The following TERT variants were observed in gnomAD, a reference collection of about 807,000 sequenced individuals.
TERT encodes telomerase catalytic subunit.
In TERT, 42 loss-of-function variants were observed where a neutral mutation model predicts 104.0. The ratio of observed to expected loss-of-function variants is 0.40; its 90% CI spans 0.32 to 0.52. The LOEUF (loss-of-function observed/expected upper bound fraction) is 0.52, where lower values mean the gene tolerates loss of function less well. Ranked by LOEUF, TERT falls within the 20% of genes least tolerant of loss-of-function variation. The pLI, the probability that TERT is intolerant of heterozygous loss-of-function variation, is 0.43. For synonymous variants in TERT, 781 were observed against 725.6 expected (o/e 1.08, Z -1.23); for missense variants, 1,101 against 1,610.3 (o/e 0.68, Z 5.41).
chr5:1,283,661 C>T (rs185861005), intron 2 of TERT, among the ~76,000 whole-genome samples: 174 of 146,602 alleles, frequency 1.2e-3, no homozygotes, highest in African/African-American at 4.3e-3. Context: ...GACCTCACGC[C>T]GGACCTGCAC....
At position 1,279,316 on chromosome 5, in the gene TERT, G is replaced by A. The variant is rs754809046; in HGVS notation, c.2105C>T (p.Pro702Leu). The change falls in exon 5 of 16, where the codon CCG becomes CTG. Residue 702 changes from proline to leucine, a missense_variant. This residue lies in a region of TERT where 463 missense variants were observed against 797.5 expected (regional missense o/e 0.58). Coordinates refer to ENST00000310581, the MANE Select transcript of TERT (RefSeq NM_198253.3). ...TFVLRVRAQDPPPELYFVKVD... is the reference protein window; with the variant it reads ...TFVLRVRAQDLPPELYFVKVD... ...CTTGACAAAGTACAGCTCAGGCGGCGGGTCCTGGGCCCGCACACGCAGCAC... is the reference window on the plus strand; with the variant it reads ...CTTGACAAAGTACAGCTCAGGCGGCAGGTCCTGGGCCCGCACACGCAGCAC... The A allele has an allele frequency of 1.3e-6, 2 of 1,584,866 alleles. No individual in the cohort carries two copies. The highest frequency in any genetic ancestry group is 1.7e-6 in the Non-Finnish European group (2 of 1,167,892).
intron 12 of TERT, 74 bp downstream of exon 12, chr5:1,260,400 G>GCA (rs140610549): frequency 0.016 from 24,034 of 1,488,518 alleles, 66 homozygotes; most frequent in Non-Finnish European, 0.019. Context: ...AGGCACGCGC[G>GCA]CACACACACA....
chr5:1,282,283 G>A, intron 3 of TERT, 146 bp downstream of exon 3: 1 of 785,198 alleles, frequency 1.3e-6, no homozygotes. Context: ...GAATCCACTT[G>A]GACCAGGCCT....
chr5:1,267,547 C>A (rs369302708), intron 9 of TERT, among the ~76,000 whole-genome samples: 1 of 152,174 alleles, frequency 6.6e-6, no homozygotes, highest in Non-Finnish European at 1.5e-5. Context: ...ATGTTTATTG[C>A]GGCACTATTC....
rs1748812648 is a variant in TERT, at chr5:1,268,757, G to A, written c.2469-124C>T. The A allele has an allele frequency of 1.5e-6, 1 of 661,322 alleles. No homozygotes were observed. Among genetic ancestry groups the A allele is most frequent in the South Asian group, 1.7e-5 (1 of 58,208 alleles). The allele number at this position is 661,322 out of a possible 1,614,324, so 41.0% of individuals were successfully genotyped here. A position where few individuals can be genotyped will look rare whatever the true frequency, so the allele number is the denominator to read the frequency against. On this transcript the variant is annotated intron_variant, in intron 8 of 15. Coordinates refer to ENST00000310581, the MANE Select transcript of TERT (RefSeq NM_198253.3). This position sits in a 1 kb window ranked among gnomAD's most constrained non-coding sequence, Gnocchi z 5.5. ...AAACGACACGTCTACCATTCAGCCG[G>A]CAAACACCTCAGAAACATACCAGAT... is the stretch of plus-strand genomic sequence containing the variant.
chr5:1,280,949 G>A (rs952151858), intron 3 of TERT, among the ~76,000 whole-genome samples: 2 of 152,232 alleles, frequency 1.3e-5, no homozygotes, highest in Admixed American at 6.5e-5. Flanking sequence ...CTGGCACTCC[G>A]TGGACACTGG....
rs1011147110 is a variant in TERT at position 1,257,683 on chromosome 5, C to T, written c.3032+915G>A. Among the ~76,000 whole-genome samples, 5 of 152,250 alleles carry T rather than the reference C, an allele frequency of 3.3e-5. No individual in the cohort carries two copies. The highest frequency in any genetic ancestry group is 5.9e-5 in the Non-Finnish European group (4 of 68,050). ...AAGGCGCAAGCACTCGGGTTAAAAA[C>T]CATTTTCATGGTACGACCTTGTAAT... On this transcript the variant is annotated intron_variant, in intron 13 of 15. Transcript: ENST00000310581. The surrounding 1 kb of genome is among the most constrained non-coding windows in gnomAD (Gnocchi z 5.6).
chr5:1,280,424 C>G, intron 3 of TERT, 86 bp from the exon 4 acceptor site: 7 of 1,444,750 alleles, frequency 4.8e-6, no homozygotes, highest in Non-Finnish European at 6.6e-6. Flanking sequence ...CCCCCACCGA[C>G]TCAGTGAGGG....
In TERT at chr5:1,268,655, G is replaced by A. The variant is rs369807360; in HGVS notation, c.2469-22C>T. ...GGACCTGGGGCGGGAAGACACAGGT[G>A]AGAGACGGGCAGGGCATGTGCTGGA... is the stretch of plus-strand genomic sequence containing the variant. On this transcript the variant is annotated intron_variant, in intron 8 of 15. Transcript: ENST00000310581. This position sits in a 1 kb window ranked among gnomAD's most constrained non-coding sequence, Gnocchi z 5.5. The A allele has an allele frequency of 3.2e-6, 5 of 1,563,070 alleles. No individual in the cohort carries two copies. In the African/African-American group the frequency reaches 6.8e-5, roughly 21 times the overall value.
rs750853949 is a variant in TERT, at chr5:1,263,778, T to C, written c.2843+626A>G. ...GCATCTGTGTCCATCTTCAATTCAT[T>C]TGTGTCTGAGCCTGAGACGGGGCCT... On this transcript the variant is annotated intron_variant, in intron 11 of 15. Transcript: ENST00000310581. This position sits in a 1 kb window ranked among gnomAD's most constrained non-coding sequence, Gnocchi z 5.3. 3.3e-5 allele frequency among the ~76,000 whole-genome samples: 5 copies of C among 152,222 alleles called. No individual in the cohort carries two copies. The highest frequency in any genetic ancestry group is 3.8e-4 in the East Asian group (2 of 5,200).
chr5:1,255,730 G>A lies in TERT; in HGVS notation c.3033-319C>T, dbSNP rs138367849. ...CTGGCTTCTGATTAGCCCCTGTTCC[G>A]GGAAGGCCTCTAAGGTTTCCAGTTT... On this transcript the variant is annotated intron_variant, in intron 13 of 15. Transcript: ENST00000310581. The surrounding 1 kb of genome is among the most constrained non-coding windows in gnomAD (Gnocchi z 6.9). Among the ~76,000 whole-genome samples the A allele has an allele frequency of 1.7e-4, 26 of 152,292 alleles. No homozygotes were observed. Among genetic ancestry groups the A allele is most frequent in the African/African-American group, 5.3e-4 (22 of 41,562 alleles).
chr5:1,268,682 A>ATGCCC lies in TERT; in HGVS notation c.2469-50_2469-49insGGGCA. 7.5e-7 allele frequency: 1 copy of ATGCCC among 1,340,386 alleles called. No individual in the cohort carries two copies. The highest frequency in any genetic ancestry group is 1.1e-6 in the Non-Finnish European group (1 of 934,514). The allele number at this position is 1,340,386 out of a possible 1,614,324, so 83.0% of individuals were successfully genotyped here. On this transcript the variant is annotated intron_variant, in intron 8 of 15. Transcript: ENST00000310581. The surrounding 1 kb of genome is among the most constrained non-coding windows in gnomAD (Gnocchi z 5.5). ...GAGACGGGCAGGGCATGTGCTGGAC[A>ATGCCC]TGCGTACACTCAAACCGAGCCACAC...
In TERT at chr5:1,268,988, C is replaced by A. The variant is rs1296394604; in HGVS notation, c.2469-355G>T. ...TTAACCGGACTCCTTTTTTTTTTTT[C>A]AAGGAATTTGTCCACGGTGAAAGAC... On this transcript the variant is annotated intron_variant, in intron 8 of 15. Coordinates refer to ENST00000310581, the MANE Select transcript of TERT (RefSeq NM_198253.3). This position sits in a 1 kb window ranked among gnomAD's most constrained non-coding sequence, Gnocchi z 5.5. Among the ~76,000 whole-genome samples, 1 of 147,934 alleles carries A rather than the reference C, an allele frequency of 6.8e-6. No individual in the cohort carries two copies. The highest frequency in any genetic ancestry group is 2.5e-5 in the African/African-American group (1 of 40,142).
At chr5:1,279,917 G>A (rs1054221410) in intron 4 of TERT, among the ~76,000 whole-genome samples, 6 of 152,172 alleles carry the variant, frequency 3.9e-5, no homozygotes, top group African/African-American at 1.4e-4. Context: ...TGGCCCGGCT[G>A]CTTCTTGTGG....
intron 2 of TERT, among the ~76,000 whole-genome samples, chr5:1,290,950 C>A (rs1579592622): frequency 2.8e-5 from 4 of 140,714 alleles, no homozygotes; most frequent in African/African-American, 8.5e-5. Context: ...ACTCACCCTG[C>A]ACGTGACAGG....
In TERT at chr5:1,253,742, T is replaced by C. The variant is rs1354920859; in HGVS notation, c.3385A>G (p.Thr1129Ala). The change falls in exon 16 of 16, where the codon ACC (threonine) becomes GCC (alanine). Residue 1129 changes from threonine to alanine, a missense_variant. Thr to Ala is a moderately conservative substitution (Grantham distance 58). Around this residue, in one of 5 missense-constraint regions of TERT, gnomAD observed 463 missense variants for 797.5 expected, o/e 0.58. Coordinates refer to ENST00000310581, the MANE Select transcript of TERT (RefSeq NM_198253.3). ...ANPALPSDFK[T>A]ILD ...GCGGGTGGCCATCAGTCCAGGATGG[T>C]CTTGAAGTCTGAGGGCAGTGCCGGG... 6.2e-7 allele frequency: 1 copy of C among 1,611,666 alleles called. No homozygotes were observed.
At position 1,269,482 on chromosome 5, in the gene TERT, G is replaced by A. The variant is rs1748866498; in HGVS notation, c.2469-849C>T. ...AAAATTAGCCAGGCGCAGGGGGTGG[G>A]TGCCTGTAATCTCAGCTGCTCGGGA... On this transcript the variant is annotated intron_variant, in intron 8 of 15. Coordinates refer to ENST00000310581, the MANE Select transcript of TERT (RefSeq NM_198253.3). This position sits in a 1 kb window ranked among gnomAD's most constrained non-coding sequence, Gnocchi z 9.0. Among the ~76,000 whole-genome samples, 1 of 152,042 alleles carries A rather than the reference G, an allele frequency of 6.6e-6. No homozygotes were observed. The highest frequency in any genetic ancestry group is 2.4e-5 in the African/African-American group (1 of 41,382).
In TERT at chr5:1,268,577, C is replaced by T. The variant is rs1748789851; in HGVS notation, c.2525G>A (p.Cys842Tyr). 4 of 1,613,498 alleles carry T rather than the reference C, an allele frequency of 2.5e-6. No individual in the cohort carries two copies. The highest frequency in any genetic ancestry group is 3.4e-6 in the Non-Finnish European group (4 of 1,180,030). ...PQGSILSTLL[C>Y]SLCYGDMENK... Reference sequence around the variant, plus strand: ...CTCCATGTCGCCGTAGCACAGGCTGCAGAGCAGCGTGGAGAGGATGGAGCC... The same window carrying T: ...CTCCATGTCGCCGTAGCACAGGCTGTAGAGCAGCGTGGAGAGGATGGAGCC... The change falls in exon 9 of 16, where the codon TGC becomes TAC. Residue 842 changes from cysteine (C) to tyrosine (Y), a missense_variant. Physicochemically the swap from Cys to Tyr is radical, Grantham distance 194 (BLOSUM62 -2). Around this residue, in one of 5 missense-constraint regions of TERT, gnomAD observed 463 missense variants for 797.5 expected, o/e 0.58. Coordinates refer to ENST00000310581, the MANE Select transcript of TERT (RefSeq NM_198253.3). This position sits in a 1 kb window ranked among gnomAD's most constrained non-coding sequence, Gnocchi z 5.5.
At position 1,256,920 on chromosome 5, in the gene TERT, G is replaced by A. The variant is rs115220853; in HGVS notation, c.3033-1509C>T. ...CGGGCCAGGAAGGCCGAGCCCCAGC[G>A]GATTTGAATCAGACCCCGCCCCCAG... On this transcript the variant is annotated intron_variant, in intron 13 of 15. Transcript: ENST00000310581. This position sits in a 1 kb window ranked among gnomAD's most constrained non-coding sequence, Gnocchi z 7.0. Among the ~76,000 whole-genome samples, 195 of 152,216 alleles carry A rather than the reference G, an allele frequency of 1.3e-3. 1 individual carries two copies. Among genetic ancestry groups the A allele is most frequent in the African/African-American group, 4.4e-3 (181 of 41,540 alleles).
Sources: allele counts gnomAD v4.1 joint callset (sites outside exome capture counted in the v4.1 genomes callset), GRCh38; gene constraint gnomAD v4.1.1; regional missense constraint gnomAD v4.1.1; non-coding constraint Gnocchi (gnomAD v3.1); transcripts MANE v1.5; gene names NCBI Gene and HGNC (gene_info 2026-07-23, HGNC 2026-07-21).